HDX: variants seen among roughly 807,000 people sequenced by gnomAD.
HDX encodes chromosome X open reading frame 43.
Under a neutral mutation model 45.2 loss-of-function variants are expected in HDX, and 19 were observed. The observed-to-expected ratio is 0.42, with a 90% CI of 0.29 to 0.62. HDX has a LOEUF of 0.62. Among genes scored for constraint, HDX ranks in the 20% least tolerant of loss-of-function variants. The pLI, the probability that HDX is intolerant of heterozygous loss-of-function variation, is 0.20. For missense variants in HDX, 532 were observed against 493.9 expected, an observed-to-expected ratio of 1.08 and a Z score of -0.73; for synonymous variants, 188 against 172.8, an observed-to-expected ratio of 1.09 and a Z score of -0.69.
chrX:84,498,444 G>A (rs900016548), intron 1 of HDX, among the ~76,000 whole-genome samples: 2 of 111,132 alleles, frequency 1.8e-5, no homozygotes, highest in Non-Finnish European at 3.8e-5. Flanking sequence ...TAGAATTATC[G>A]ATATTTGCTC....
chrX:84,475,587 T>C (rs1315640874), intron 2 of HDX, among the ~76,000 whole-genome samples, 190 bp from the exon 3 acceptor site: 1 of 111,731 alleles, frequency 9.0e-6, no homozygotes, highest in Admixed American at 9.5e-5. Flanking sequence ...ATATGCATAG[T>C]GCAAACACTT....
chrX:84,435,542 C>T (rs992816852), intron 5 of HDX, among the ~76,000 whole-genome samples: 3 of 109,448 alleles, frequency 2.7e-5, no homozygotes, highest in African/African-American at 6.6e-5. Flanking sequence ...GTTTCTTTTG[C>T]TATGCAGAAG....
Position 84,469,245 on chromosome X carries a change from C to A in HDX, c.478G>T (p.Ala160Ser), listed in dbSNP as rs1169837012. 8.3e-7 allele frequency: 1 copy of A among 1,208,273 alleles called. No homozygotes were observed. Among genetic ancestry groups the A allele is most frequent in the African/African-American group, 1.7e-5 (1 of 57,158 alleles). ...AGTAGGGAAGCATTTTTACAGTGTG[C>A]TACTTGTCTTTGGACAGGAATGTGT... Reference protein sequence around the residue: ...QLHIPVQRQVAHCKNASLLLG... With the variant: ...QLHIPVQRQVSHCKNASLLLG... The change falls in exon 4 of 11, where the codon GCA becomes TCA. Residue 160 changes from alanine (A) to serine (S), a missense_variant. Physicochemically the swap from Ala to Ser is moderately conservative, Grantham distance 99. Around this residue, in one of 3 missense-constraint regions of HDX, gnomAD observed 376 missense variants for 343.7 expected, o/e 1.09. Coordinates refer to ENST00000373177, the MANE Select transcript of HDX (RefSeq NM_001177479.2).
At chrX:84,461,945 T>C (rs1287047003) in intron 4 of HDX, among the ~76,000 whole-genome samples, 2 of 111,890 alleles carry the variant, frequency 1.8e-5, no homozygotes, top group African/African-American at 6.5e-5. Context: ...CATTGGACAA[T>C]TGCAAATCAA....
At chrX:84,337,091 T>C (rs767442405) in intron 7 of HDX, among the ~76,000 whole-genome samples, 1 of 108,093 alleles carries the variant, frequency 9.3e-6, no homozygotes, top group Admixed American at 9.8e-5. Context: ...ACCGTTGTCC[T>C]ATTTGTAACT....
rs892734568 is a variant in HDX at position 84,494,158 on chromosome X, C to T, written c.-109-6026G>A. Among the ~76,000 whole-genome samples the T allele has an allele frequency of 6.2e-5, 7 of 112,034 alleles. 1 individual carries two copies. Among genetic ancestry groups the T allele is most frequent in the Middle Eastern group, 9.2e-3 (2 of 218 alleles). ...GTAATCCCACATGCATCCATCCATA[C>T]AAAATATATGACAGTGATATATGGC... On this transcript the variant is annotated intron_variant, in intron 1 of 10. Transcript: ENST00000373177.
intron 5 of HDX, among the ~76,000 whole-genome samples, chrX:84,374,559 GAAC>G: frequency 3.4e-5 from 1 of 29,002 alleles, no homozygotes; most frequent in African/African-American, 3.3e-4. Context: ...TACCAAAACA[GAAC>G]AGAACAGAGC....
rs1393189293 is a variant in HDX, at chrX:84,319,771, TAGA to T, written c.*2115_*2117del. On this transcript the variant is annotated 3_prime_UTR_variant, in exon 11 of 11. Coordinates refer to ENST00000373177, the MANE Select transcript of HDX (RefSeq NM_001177479.2). ...ACTTAAATATGGTTTATTAATATCA[TAGA>T]AGATGTTAAAAAGAAATAATTATTT... The T allele has an allele frequency of 1.8e-5, 2 of 111,255 alleles. No homozygotes were observed. Among genetic ancestry groups the T allele is most frequent in the Non-Finnish European group, 3.8e-5 (2 of 52,547 alleles). The allele number at this position is 111,255 out of a possible 1,213,427, so 9.2% of individuals were successfully genotyped here. A position where few individuals can be genotyped will look rare whatever the true frequency, so the allele number is the denominator to read the frequency against.
chrX:84,461,262 C>A (rs1348480617), intron 4 of HDX, among the ~76,000 whole-genome samples: 1 of 111,548 alleles, frequency 9.0e-6, no homozygotes, highest in Non-Finnish European at 1.9e-5. Context: ...CATTACCTGA[C>A]TTCAAATTAT....
chrX:84,409,330 C>T (rs751705627), intron 5 of HDX, among the ~76,000 whole-genome samples: 24 of 110,871 alleles, frequency 2.2e-4, no homozygotes, highest in African/African-American at 7.6e-4. Context: ...CCTCAGGGAT[C>T]GAGAACTAGA....
rs762622140 is a variant in HDX at position 84,392,427 on chromosome X, G to T, written c.1306-30815C>A. 3.6e-5 allele frequency among the ~76,000 whole-genome samples: 4 copies of T among 110,823 alleles called. No individual in the cohort carries two copies. The East Asian group carries it at 1.1e-3, about 31-fold the overall frequency. ...CCCATTTGTTCCATGCAAATTTTAGGATTCATTTTTTCTAATTATGTGAAA... is the reference window on the plus strand; with the variant it reads ...CCCATTTGTTCCATGCAAATTTTAGTATTCATTTTTTCTAATTATGTGAAA... On this transcript the variant is annotated intron_variant, in intron 5 of 10. Coordinates refer to ENST00000373177, the MANE Select transcript of HDX (RefSeq NM_001177479.2).
chrX:84,478,381 G>A lies in HDX; in HGVS notation c.1-2984C>T, dbSNP rs140913394. ...CCTGAAAAATACAGCTTCTAAGAAT[G>A]TCTGCTTCCTTAGGTGTTCCAGATA... is the stretch of plus-strand genomic sequence containing the variant. On this transcript the variant is annotated intron_variant, in intron 2 of 10. Transcript: ENST00000373177. 9.9e-3 allele frequency among the ~76,000 whole-genome samples: 1,102 copies of A among 111,439 alleles called. 13 individuals are homozygous for A. Among genetic ancestry groups the A allele is most frequent in the South Asian group, 0.044 (116 of 2,665 alleles).
chrX:84,417,363 A>G (rs2039138758), intron 5 of HDX, among the ~76,000 whole-genome samples: 1 of 112,099 alleles, frequency 8.9e-6, no homozygotes, highest in African/African-American at 3.2e-5. Flanking sequence ...TGGTATCCCT[A>G]GATGAACACA....
intron 4 of HDX, among the ~76,000 whole-genome samples, chrX:84,465,701 A>G (rs1400608455): frequency 8.9e-6 from 1 of 112,023 alleles, no homozygotes; most frequent in African/African-American, 3.2e-5. Flanking sequence ...GGATAGCATT[A>G]GGAGAAATAC....
At chrX:84,344,098 T>C in intron 7 of HDX, 152 bp downstream of exon 7, 1 of 414,820 alleles carries the variant, frequency 2.4e-6, no homozygotes, top group Non-Finnish European at 4.2e-6. Context: ...GGAGACTGTT[T>C]AGGTGGAGGC....
chrX:84,488,299 C>A (rs2040833368), intron 1 of HDX, among the ~76,000 whole-genome samples, 167 bp from the exon 2 acceptor site: 1 of 99,603 alleles, frequency 1.0e-5, no homozygotes, highest in Non-Finnish European at 2.0e-5. Context: ...TACTTTTGGG[C>A]TGATATTACT....
At chrX:84,346,115 A>T (rs982398112) in intron 6 of HDX, among the ~76,000 whole-genome samples, 2 of 111,351 alleles carry the variant, frequency 1.8e-5, no homozygotes, top group African/African-American at 6.5e-5. Flanking sequence ...TGCTCAAAAA[A>T]AGGATATTAA....
At chrX:84,363,742 G>A (rs1333350161) in intron 5 of HDX, among the ~76,000 whole-genome samples, 4 of 112,193 alleles carry the variant, frequency 3.6e-5, no homozygotes, top group Non-Finnish European at 7.5e-5. Context: ...GGAAAAAAAA[G>A]TGAACATTTA....
At chrX:84,342,612 T>G (rs2037112094) in intron 7 of HDX, among the ~76,000 whole-genome samples, 2 of 110,787 alleles carry the variant, frequency 1.8e-5, no homozygotes, top group African/African-American at 6.6e-5. Flanking sequence ...GATGAGTTAT[T>G]CAACAAATGG....
Sources: allele counts gnomAD v4.1 joint callset (sites outside exome capture counted in the v4.1 genomes callset), GRCh38; gene constraint gnomAD v4.1.1; regional missense constraint gnomAD v4.1.1; transcripts MANE v1.5; gene names NCBI Gene and HGNC (gene_info 2026-07-23, HGNC 2026-07-21).